PRRC2C: variants seen among roughly 807,000 people sequenced by gnomAD.
The protein encoded by PRRC2C is proline rich coiled-coil 2C.
In PRRC2C, 72 loss-of-function variants were observed where a neutral mutation model predicts 317.2. That is an observed-to-expected ratio of 0.23 (90% CI 0.19 to 0.28). PRRC2C has a LOEUF of 0.28. Among genes scored for constraint, PRRC2C ranks in the 10% least tolerant of loss-of-function variants. The probability of loss-of-function intolerance (pLI) is 1.00; values close to 1 mark genes in which losing one functional copy is unlikely to be tolerated. For synonymous variants in PRRC2C, 1,296 were observed against 1,205.9 expected, an observed-to-expected ratio of 1.07 and a Z score of -1.55; for missense variants, 3,074 against 3,459.7, an observed-to-expected ratio of 0.89 and a Z score of 2.80.
chr1:171,488,302 G>A lies in PRRC2C; in HGVS notation c.-58+2567G>A, dbSNP rs556894911. Among the ~76,000 whole-genome samples the A allele has an allele frequency of 3.3e-5, 5 of 152,148 alleles. No homozygotes were observed. In the South Asian group the frequency reaches 8.3e-4, roughly 25 times the overall value. On this transcript the variant is annotated intron_variant, in intron 1 of 34. Coordinates refer to ENST00000647382, the MANE Select transcript of PRRC2C (RefSeq NM_001387844.1). Reference sequence around the variant, plus strand: ...TGACACACTTTCATTTCGGTAAATCGTGATTTTGTCACCTTATGAATAGGA... The same window carrying A: ...TGACACACTTTCATTTCGGTAAATCATGATTTTGTCACCTTATGAATAGGA...
intron 28 of PRRC2C, among the ~76,000 whole-genome samples, chr1:171,580,397 G>A (rs1648271029): frequency 6.6e-6 from 1 of 152,136 alleles, no homozygotes; most frequent in Admixed American, 6.5e-5. Context: ...ATCAAAGCAT[G>A]GAAGTAATGA....
intron 11 of PRRC2C, among the ~76,000 whole-genome samples, chr1:171,531,856 CTG>C (rs1675951702): frequency 6.6e-6 from 1 of 152,198 alleles, no homozygotes; most frequent in African/African-American, 2.4e-5. Flanking sequence ...AGCACTGACT[CTG>C]TCTTTTTCAC....
chr1:171,570,119 C>T (rs1430146365), intron 23 of PRRC2C, among the ~76,000 whole-genome samples: 1 of 152,086 alleles, frequency 6.6e-6, no homozygotes, highest in African/African-American at 2.4e-5. Flanking sequence ...TATAAATGGT[C>T]ATCAGTTTGA....
At chr1:171,529,663 C>T (rs956245870) in intron 11 of PRRC2C, among the ~76,000 whole-genome samples, 1 of 152,156 alleles carries the variant, frequency 6.6e-6, no homozygotes, top group African/African-American at 2.4e-5. Context: ...CTTATGCTGC[C>T]TGCTCACTTG....
At position 171,541,746 on chromosome 1, in the gene PRRC2C, C is replaced by G; in HGVS notation, c.4280C>G (p.Pro1427Arg). 6.2e-7 allele frequency: 1 copy of G among 1,613,914 alleles called. No individual in the cohort carries two copies. The highest frequency in any genetic ancestry group is 8.5e-7 in the Non-Finnish European group (1 of 1,179,858). ...PARERPRRQR[P>R]TRPPRQDKPP... Reference sequence around the variant, plus strand: ...AGAGAAAGGCCTCGAAGGCAGCGTCCTACTCGACCACCAAGGCAAGACAAG... The same window carrying G: ...AGAGAAAGGCCTCGAAGGCAGCGTCGTACTCGACCACCAAGGCAAGACAAG... The change falls in exon 16 of 35, where the codon CCT becomes CGT. Residue 1427 changes from proline to arginine, a missense_variant. Physicochemically the swap from Pro to Arg is moderately radical, Grantham distance 103. Coordinates refer to ENST00000647382, the MANE Select transcript of PRRC2C (RefSeq NM_001387844.1). The surrounding 1 kb of genome is among the most constrained non-coding windows in gnomAD (Gnocchi z 4.1).
Position 171,514,581 on chromosome 1 carries a change from TC to T in PRRC2C, c.341del (p.Pro114GlnfsTer3). The T allele has an allele frequency of 1.3e-6, 2 of 1,560,784 alleles. No individual in the cohort carries two copies. The highest frequency in any genetic ancestry group is 1.7e-6 in the Non-Finnish European group (2 of 1,152,580). The part of the protein sequence containing the change: ...PAQPKPGVAA[P>X]PEVAPAPKSW... The stretch of plus-strand genomic sequence containing the variant: ...CACAGCCAAAACCTGGGGTTGCAGC[TC>T]CCCCAGAAGTAGCACCTGCTCCCAA... On this transcript the variant is annotated frameshift_variant, in exon 4 of 35. Coordinates refer to ENST00000647382, the MANE Select transcript of PRRC2C (RefSeq NM_001387844.1). LOFTEE classifies it high-confidence loss of function.
At position 171,540,777 on chromosome 1, in the gene PRRC2C, A is replaced by G. The variant is rs776718916; in HGVS notation, c.3311A>G (p.Asp1104Gly). 6.2e-7 allele frequency: 1 copy of G among 1,613,968 alleles called. No homozygotes were observed. The highest frequency in any genetic ancestry group is 2.2e-5 in the East Asian group (1 of 44,882). ...ACTTTGGCTCAAAAACCATCTCAGGATACTGAGAAGCCTCTGGAACCTGTG... is the reference window on the plus strand; with the variant it reads ...ACTTTGGCTCAAAAACCATCTCAGGGTACTGAGAAGCCTCTGGAACCTGTG... ...TATLAQKPSQ[D>G]TEKPLEPVST... The change falls in exon 16 of 35, where the codon GAT becomes GGT. Residue 1104 changes from aspartate (D) to glycine (G), a missense_variant. By Grantham distance (94) the Asp-to-Gly change is moderately conservative (BLOSUM62 -1). Transcript: ENST00000647382.
At chr1:171,559,063 G>A (rs974391669) in intron 19 of PRRC2C, among the ~76,000 whole-genome samples, 1 of 152,242 alleles carries the variant, frequency 6.6e-6, no homozygotes, top group African/African-American at 2.4e-5. Context: ...ATGCCTGAGA[G>A]AGGTGAGGCA....
chr1:171,486,722 T>C (rs575767194), intron 1 of PRRC2C, among the ~76,000 whole-genome samples: 20 of 152,292 alleles, frequency 1.3e-4, no homozygotes, highest in African/African-American at 4.3e-4. Flanking sequence ...GCTGTAAGAT[T>C]TTCATTTGGA....
chr1:171,585,008 T>A (rs1364355984), intron 30 of PRRC2C, among the ~76,000 whole-genome samples: 1 of 152,148 alleles, frequency 6.6e-6, no homozygotes, highest in East Asian at 1.9e-4. Context: ...AACTACTGGT[T>A]TCAAGCGATC....
chr1:171,568,660 C>T (rs1684134333), intron 23 of PRRC2C, among the ~76,000 whole-genome samples: 1 of 152,156 alleles, frequency 6.6e-6, no homozygotes, highest in Non-Finnish European at 1.5e-5. Flanking sequence ...ACAAATTTAA[C>T]ATGAACGGTT....
At position 171,557,553 on chromosome 1, in the gene PRRC2C, C is replaced by T; in HGVS notation, c.5441C>T (p.Ser1814Leu). 6.4e-7 allele frequency: 1 copy of T among 1,551,684 alleles called. No individual in the cohort carries two copies. The highest frequency in any genetic ancestry group is 1.7e-4 in the Middle Eastern group (1 of 5,992). Residue 1814 changes from serine (S) to leucine (L), a missense_variant, in exon 19 of 35, where the codon TCA becomes TTA. By Grantham distance (145) the Ser-to-Leu change is moderately radical (BLOSUM62 -2). Transcript: ENST00000647382. ...PASPLAPVSASASVSASVPAS... is the reference protein window; with the variant it reads ...PASPLAPVSALASVSASVPAS... ...TCACCCTTAGCTCCAGTTTCAGCCT[C>T]AGCCTCAGTCTCAGCTTCAGTTCCA...
intron 1 of PRRC2C, among the ~76,000 whole-genome samples, chr1:171,489,692 A>T (rs1666765619): frequency 6.6e-6 from 1 of 152,230 alleles, no homozygotes; most frequent in South Asian, 2.1e-4. Flanking sequence ...AAAGGAAGAG[A>T]TTTAAGTAAT....
chr1:171,567,887 T>A (rs1683980598), intron 22 of PRRC2C, among the ~76,000 whole-genome samples: 1 of 152,176 alleles, frequency 6.6e-6, no homozygotes, highest in South Asian at 2.1e-4. Flanking sequence ...TAGGCTATCA[T>A]TAGAAAGTGA....
At chr1:171,552,614 C>T (rs1680497499) in intron 18 of PRRC2C, among the ~76,000 whole-genome samples, 1 of 152,066 alleles carries the variant, frequency 6.6e-6, no homozygotes, top group African/African-American at 2.4e-5. Flanking sequence ...ATAAGTAGCT[C>T]TTATTATTTT....
chr1:171,495,561 C>T (rs986744902), intron 1 of PRRC2C, among the ~76,000 whole-genome samples: 2 of 152,050 alleles, frequency 1.3e-5, no homozygotes, highest in African/African-American at 2.4e-5. Flanking sequence ...GTGTGATTCT[C>T]ATTTGTATTA....
chr1:171,502,992 G>T (rs1401505380), intron 1 of PRRC2C, among the ~76,000 whole-genome samples: 2 of 152,114 alleles, frequency 1.3e-5, no homozygotes, highest in African/African-American at 4.8e-5. Context: ...CAAAGTGCTG[G>T]GATTACAGCA....
At chr1:171,565,551 G>A (rs186084692) in intron 20 of PRRC2C, among the ~76,000 whole-genome samples, 92 of 152,238 alleles carry the variant, frequency 6.0e-4, no homozygotes, top group African/African-American at 2.1e-3. Flanking sequence ...GGGTTCAAGC[G>A]ATTCTCCTGC....
intron 1 of PRRC2C, among the ~76,000 whole-genome samples, chr1:171,493,767 G>T (rs913556669): frequency 1.2e-4 from 18 of 151,978 alleles, no homozygotes; most frequent in Non-Finnish European, 2.1e-4. Flanking sequence ...TCCTACCACT[G>T]CACTCTAGCC....
Sources: gnomAD v4.1 joint callset for allele counts (sites outside exome capture counted in the v4.1 genomes callset) on GRCh38, gnomAD v4.1.1 for gene constraint, Gnocchi (gnomAD v3.1) non-coding constraint, MANE v1.5 for transcripts, NCBI Gene and HGNC (gene_info 2026-07-23, HGNC 2026-07-21) for gene names.